ROR1: variants seen among roughly 807,000 people sequenced by gnomAD.
ROR1 encodes the protein ROR family WNT receptor 1, also known as inactive tyrosine-protein kinase transmembrane receptor ROR1.
Under a neutral mutation model 78.8 loss-of-function variants are expected in ROR1, and 19 were observed. The ratio of observed to expected loss-of-function variants is 0.24; its 90% CI spans 0.17 to 0.35. ROR1 has a LOEUF of 0.35. Ranked by LOEUF, ROR1 falls within the 10% of genes least tolerant of loss-of-function variation. The pLI is 1.00. For synonymous variants in ROR1, 386 were observed against 433.6 expected, an observed-to-expected ratio of 0.89 and a Z score of 1.36; for missense variants, 917 against 1,177.8, an observed-to-expected ratio of 0.78 and a Z score of 3.24.
intron 2 of ROR1, among the ~76,000 whole-genome samples, chr1:64,011,956 A>T (rs182412215): frequency 1.3e-5 from 2 of 152,324 alleles, no homozygotes; most frequent in Non-Finnish European, 2.9e-5. Flanking sequence ...CTTCTGGTCA[A>T]TTTGGTAGAT....
chr1:63,789,388 A>G (rs1277668755), intron 1 of ROR1: 3 of 366,388 alleles, frequency 8.2e-6, no homozygotes, highest in East Asian at 1.2e-4. Flanking sequence ...GGGCAAAGCC[A>G]GTGAATGGGG....
chr1:64,136,048 T>A (rs894116032), intron 4 of ROR1, among the ~76,000 whole-genome samples: 1 of 152,196 alleles, frequency 6.6e-6, no homozygotes, highest in African/African-American at 2.4e-5. Flanking sequence ...ATGTGGGAGC[T>A]TAGTAAATAA....
chr1:64,125,242 G>A (rs564351067), intron 4 of ROR1, among the ~76,000 whole-genome samples: 8 of 152,164 alleles, frequency 5.3e-5, no homozygotes, highest in Admixed American at 3.3e-4. Context: ...TTAAACTTTC[G>A]AACAATGACA....
intron 1 of ROR1, among the ~76,000 whole-genome samples, chr1:63,812,447 A>G (rs1343594984): frequency 6.6e-6 from 1 of 152,178 alleles, no homozygotes; most frequent in Non-Finnish European, 1.5e-5. Context: ...TTGCTAACTA[A>G]CCTGTCCTAG....
At chr1:64,003,521 G>A (rs1322032322) in intron 1 of ROR1, among the ~76,000 whole-genome samples, 2 of 152,126 alleles carry the variant, frequency 1.3e-5, no homozygotes, top group East Asian at 3.9e-4. Flanking sequence ...TAGACATTGA[G>A]CATAGTACTT....
chr1:64,099,017 C>T (rs763005601), intron 4 of ROR1, among the ~76,000 whole-genome samples: 4 of 152,080 alleles, frequency 2.6e-5, no homozygotes, highest in Non-Finnish European at 2.9e-5. Context: ...TGTTTACTGG[C>T]GGGCCCCAGT....
At chr1:64,085,401 T>C (rs1647143423) in intron 4 of ROR1, among the ~76,000 whole-genome samples, 1 of 152,088 alleles carries the variant, frequency 6.6e-6, no homozygotes, top group African/African-American at 2.4e-5. Context: ...CACAGTCCCA[T>C]GCAGAGCCAA....
At chr1:63,918,308 T>TA (rs1159605822) in intron 1 of ROR1, among the ~76,000 whole-genome samples, 2 of 152,184 alleles carry the variant, frequency 1.3e-5, no homozygotes, top group African/African-American at 4.8e-5. Flanking sequence ...CAGCACATCA[T>TA]ACGACAGGAA....
At chr1:64,049,298 G>T (rs1165117697) in intron 2 of ROR1, among the ~76,000 whole-genome samples, 1 of 152,144 alleles carries the variant, frequency 6.6e-6, no homozygotes, top group Non-Finnish European at 1.5e-5. Flanking sequence ...CTGGAAGGAT[G>T]TTTGCCAGGA....
chr1:64,075,186 A>G (rs1393977314), intron 4 of ROR1, among the ~76,000 whole-genome samples: 4 of 152,224 alleles, frequency 2.6e-5, no homozygotes, highest in Non-Finnish European at 5.9e-5. Flanking sequence ...TTCAAGTTCT[A>G]ATTTCTTAAT....
intron 1 of ROR1, among the ~76,000 whole-genome samples, chr1:63,950,809 A>C (rs1645929110): frequency 6.6e-6 from 1 of 152,202 alleles, no homozygotes; most frequent in African/African-American, 2.4e-5. Flanking sequence ...AGGGGAATAC[A>C]TGAGAGATTC....
intron 2 of ROR1, among the ~76,000 whole-genome samples, chr1:64,012,382 G>C (rs1646482991): frequency 6.6e-6 from 1 of 152,174 alleles, no homozygotes; most frequent in Non-Finnish European, 1.5e-5. Flanking sequence ...CTACATGTGG[G>C]AGTGGGGTTG....
At chr1:64,157,446 C>T (rs1259980033) in intron 7 of ROR1, among the ~76,000 whole-genome samples, 4 of 152,088 alleles carry the variant, frequency 2.6e-5, no homozygotes, top group Non-Finnish European at 4.4e-5. Context: ...GCCTAAAATT[C>T]GTATTATTTT....
intron 1 of ROR1, among the ~76,000 whole-genome samples, chr1:63,894,251 A>C (rs1645422307): frequency 1.3e-5 from 2 of 152,132 alleles, no homozygotes; most frequent in African/African-American, 4.8e-5. Context: ...TGCTACTGAG[A>C]ATGGTGTATA....
chr1:64,132,360 C>T (rs1229285166), intron 4 of ROR1, among the ~76,000 whole-genome samples: 1 of 152,160 alleles, frequency 6.6e-6, no homozygotes, highest in Non-Finnish European at 1.5e-5. Flanking sequence ...TGCTGCTCTG[C>T]ACATTTGTGT....
chr1:64,177,790 G>A lies in ROR1; in HGVS notation c.1749G>A (p.Val583=). ...GCAGCAGTGATGAAGATGGGACTGT[G>A]AAATCCAGCCTGGACCACGGAGATT... ...VGCSSDEDGT[V]KSSLDHGDFL... is the part of the protein sequence containing the mutation. Residue 583 remains valine (V), a synonymous_variant, in exon 9 of 9, where the codon GTG becomes GTA. Coordinates refer to ENST00000371079, the MANE Select transcript of ROR1 (RefSeq NM_005012.4). 3.7e-6 allele frequency: 6 copies of A among 1,614,136 alleles called. No individual in the cohort carries two copies. Among genetic ancestry groups the A allele is most frequent in the African/African-American group, 1.3e-5 (1 of 75,058 alleles).
intron 1 of ROR1, among the ~76,000 whole-genome samples, chr1:63,851,755 G>T (rs1165546703): frequency 6.6e-6 from 1 of 152,234 alleles, no homozygotes; most frequent in East Asian, 1.9e-4. Flanking sequence ...CAAAACATGT[G>T]CTGGGCAAAG....
chr1:64,046,844 T>C (rs1471210453), intron 2 of ROR1, among the ~76,000 whole-genome samples: 4 of 152,252 alleles, frequency 2.6e-5, no homozygotes, highest in Non-Finnish European at 4.4e-5. Flanking sequence ...CCACAAGGCC[T>C]CCGGCAAGTC....
In ROR1 at chr1:64,159,045, C is replaced by T; in HGVS notation, c.1239C>T (p.Ala413=). 6.2e-7 allele frequency: 1 copy of T among 1,614,152 alleles called. No individual in the cohort carries two copies. Among genetic ancestry groups the T allele is most frequent in the South Asian group, 1.1e-5 (1 of 91,088 alleles). Residue 413 remains alanine, a synonymous_variant, in exon 8 of 9, where the codon GCC becomes GCT. Transcript: ENST00000371079. ...EILYILVPSV[A]IPLAIALLFF... is the part of the protein sequence containing the mutation. ...TGTACATACTAGTGCCAAGTGTGGC[C>T]ATTCCCCTGGCCATTGCTTTACTCT...
Sources: allele counts gnomAD v4.1 joint callset (sites outside exome capture counted in the v4.1 genomes callset), GRCh38; gene constraint gnomAD v4.1.1; transcripts MANE v1.5; gene names NCBI Gene and HGNC (gene_info 2026-07-23, HGNC 2026-07-21).